The following ATP6V1C1 variants were observed in gnomAD, a reference collection of about 807,000 sequenced individuals.
ATP6V1C1 encodes ATPase H+ transporting V1 subunit C1.
Under a neutral mutation model 53.9 loss-of-function variants are expected in ATP6V1C1, and 45 were observed. That is an observed-to-expected ratio of 0.83 (90% CI 0.66 to 1.07). The LOEUF (loss-of-function observed/expected upper bound fraction) is 1.07, where lower values mean the gene tolerates loss of function less well. ATP6V1C1 is among the 50% of genes least tolerant of loss of function. The probability of loss-of-function intolerance (pLI) is 0.00; values close to 1 mark genes in which losing one functional copy is unlikely to be tolerated. For synonymous variants in ATP6V1C1, 153 were observed against 155.2 expected, an observed-to-expected ratio of 0.99 and a Z score of 0.11; for missense variants, 315 against 440.3, an observed-to-expected ratio of 0.72 and a Z score of 2.55.
intron 3 of ATP6V1C1, among the ~76,000 whole-genome samples, chr8:103,044,054 A>C (rs1401241633): frequency 6.6e-6 from 1 of 151,882 alleles, no homozygotes; most frequent in Non-Finnish European, 1.5e-5. Flanking sequence ...ATGCGCAGCT[A>C]GTTTTTGTAT....
At position 103,069,396 on chromosome 8, in the gene ATP6V1C1, T is replaced by A. The variant is rs1817547961; in HGVS notation, c.*649T>A. 6.6e-6 allele frequency: 1 copy of A among 152,232 alleles called. No homozygotes were observed. The highest frequency in any genetic ancestry group is 1.5e-5 in the Non-Finnish European group (1 of 68,040). 9.4% of individuals were successfully genotyped at this position (152,232 alleles called of 1,614,324 possible). ...TGTTATATGCTGAGGTGTAACCATT[T>A]GTGTTGTCTGACTTTCGTATGATTT... On this transcript the variant is annotated 3_prime_UTR_variant, in exon 13 of 13. Transcript: ENST00000518738.
In ATP6V1C1 at chr8:103,072,086, A is replaced by G. The variant is rs897093135; in HGVS notation, c.*3339A>G. The G allele has an allele frequency of 2.0e-5, 3 of 152,210 alleles. No homozygotes were observed. Among genetic ancestry groups the G allele is most frequent in the Non-Finnish European group, 4.4e-5 (3 of 68,034 alleles). The allele number at this position is 152,210 out of a possible 1,614,324, so 9.4% of individuals were successfully genotyped here. On this transcript the variant is annotated 3_prime_UTR_variant, in exon 13 of 13. Transcript: ENST00000518738. ...TGCTGAAGTTGCTCTTCAGCAGAAA[A>G]TCTTTGTGGAACACATTCCACACTT...
At chr8:103,029,676 A>T (rs972846596) in intron 1 of ATP6V1C1, among the ~76,000 whole-genome samples, 1 of 152,120 alleles carries the variant, frequency 6.6e-6, no homozygotes, top group African/African-American at 2.4e-5. Context: ...TATATTTTAG[A>T]TATTTTATTA....
intron 6 of ATP6V1C1, 90 bp from the exon 7 acceptor site, chr8:103,053,794 G>A: frequency 1.1e-6 from 1 of 906,178 alleles, no homozygotes; most frequent in Non-Finnish European, 1.8e-6. Flanking sequence ...TGTATATATA[G>A]TATATGTGAA....
At chr8:103,029,245 C>T (rs182678815) in intron 1 of ATP6V1C1, among the ~76,000 whole-genome samples, 143 of 150,068 alleles carry the variant, frequency 9.5e-4, no homozygotes, top group Non-Finnish European at 1.8e-3. Flanking sequence ...ATCTTTTGTT[C>T]TTTCTTCCTT....
chr8:103,057,741 G>A (rs546520073), intron 8 of ATP6V1C1, among the ~76,000 whole-genome samples: 9 of 152,208 alleles, frequency 5.9e-5, no homozygotes, highest in African/African-American at 2.2e-4. Flanking sequence ...AGACTTAATG[G>A]AGTATTCAAA....
intron 8 of ATP6V1C1, among the ~76,000 whole-genome samples, chr8:103,062,161 GTTTTTTTTTTTTTTTTTT>G (rs767825523): frequency 2.8e-5 from 2 of 70,786 alleles, no homozygotes; most frequent in East Asian, 4.5e-4. Flanking sequence ...GTTCATCAGG[GTTTTTTTTTTTTTTTTTT>G]TTTTTTTTTT....
intron 3 of ATP6V1C1, among the ~76,000 whole-genome samples, chr8:103,043,146 T>C (rs572697406): frequency 8.3e-4 from 127 of 152,336 alleles, no homozygotes; most frequent in Non-Finnish European, 1.7e-3. Flanking sequence ...GGTAACTCTA[T>C]GCTTTGCTTT....
At chr8:103,040,348 A>C (rs1054893067) in intron 1 of ATP6V1C1, among the ~76,000 whole-genome samples, 2 of 151,614 alleles carry the variant, frequency 1.3e-5, no homozygotes, top group African/African-American at 4.8e-5. Context: ...TGGGAGGCGG[A>C]GGTTGCAGTG....
intron 1 of ATP6V1C1, among the ~76,000 whole-genome samples, chr8:103,027,829 A>C (rs923473214): frequency 6.6e-6 from 1 of 151,988 alleles, no homozygotes; most frequent in African/African-American, 2.4e-5. Flanking sequence ...ATCTACATGA[A>C]GTCTTCCTCC....
intron 11 of ATP6V1C1, among the ~76,000 whole-genome samples, chr8:103,066,050 A>G (rs1817483482): frequency 6.6e-6 from 1 of 152,196 alleles, no homozygotes; most frequent in African/African-American, 2.4e-5. Flanking sequence ...AAAGAAAAAA[A>G]AAATGAATGG....
Position 103,054,406 on chromosome 8 carries a change from A to G in ATP6V1C1, c.572+424A>G, listed in dbSNP as rs561378041. Among the ~76,000 whole-genome samples, 7 of 152,180 alleles carry G rather than the reference A, an allele frequency of 4.6e-5. No homozygotes were observed. In the South Asian group the frequency reaches 1.0e-3, roughly 23 times the overall value. On this transcript the variant is annotated intron_variant, in intron 7 of 12. Coordinates refer to ENST00000518738, the MANE Select transcript of ATP6V1C1 (RefSeq NM_001695.5). ...GATCAGAGATTAGCAATTTTTTTCT[A>G]TAAAGGGCTAGATAGTAAGTATTGT...
chr8:103,047,555 A>C (rs1309508948), intron 3 of ATP6V1C1, among the ~76,000 whole-genome samples: 1 of 151,840 alleles, frequency 6.6e-6, no homozygotes, highest in Non-Finnish European at 1.5e-5. Flanking sequence ...AGTCATCAGA[A>C]TACTTGTCCT....
intron 3 of ATP6V1C1, among the ~76,000 whole-genome samples, chr8:103,048,669 G>C (rs1817147559): frequency 6.6e-6 from 1 of 152,176 alleles, no homozygotes; most frequent in African/African-American, 2.4e-5. Flanking sequence ...CAGTTACTCT[G>C]TTGATTTTTG....
chr8:103,047,422 ATGC>A (rs371664181), intron 3 of ATP6V1C1, among the ~76,000 whole-genome samples: 1 of 64,500 alleles, frequency 1.6e-5, no homozygotes. Flanking sequence ...AAAAAAAAAA[ATGC>A]GCGCGCACAC....
chr8:103,022,122 T>C (rs1816607953), intron 1 of ATP6V1C1, among the ~76,000 whole-genome samples: 2 of 152,154 alleles, frequency 1.3e-5, no homozygotes, highest in Non-Finnish European at 2.9e-5. Context: ...TGCGAAGTGC[T>C]TTGAAAGTGT....
chr8:103,061,110 G>A (rs1337354103), intron 8 of ATP6V1C1, among the ~76,000 whole-genome samples: 4 of 152,078 alleles, frequency 2.6e-5, no homozygotes, highest in African/African-American at 9.7e-5. Flanking sequence ...TTTTTAAATC[G>A]AGCTCTGTCC....
intron 12 of ATP6V1C1, among the ~76,000 whole-genome samples, chr8:103,068,097 A>C (rs903446195): frequency 6.6e-6 from 1 of 152,148 alleles, no homozygotes. Flanking sequence ...CTCCCACCTC[A>C]GCCTTCCAAG....
chr8:103,056,418 C>G (rs138488436), intron 8 of ATP6V1C1, among the ~76,000 whole-genome samples: 6 of 152,030 alleles, frequency 3.9e-5, no homozygotes, highest in African/African-American at 1.4e-4. Context: ...TTTGTGTGTT[C>G]CTTTTATTTA....
Sources: gnomAD v4.1 joint callset for allele counts (sites outside exome capture counted in the v4.1 genomes callset) on GRCh38, gnomAD v4.1.1 for gene constraint, MANE v1.5 for transcripts, NCBI Gene and HGNC (gene_info 2026-07-23, HGNC 2026-07-21) for gene names.